The following RP1L1 variants were observed in gnomAD, a reference collection of about 807,000 sequenced individuals.
RP1L1 encodes the protein RP1 like 1.
In RP1L1, 27 loss-of-function variants were observed where a neutral mutation model predicts 15.7. That is an observed-to-expected ratio of 1.72 (90% CI 1.27 to 2.38). The LOEUF (loss-of-function observed/expected upper bound fraction) is 2.38, where lower values mean the gene tolerates loss of function less well. Among genes scored for constraint, RP1L1 ranks in the 30% most tolerant of loss-of-function variants. RP1L1 has a pLI of 0.00. For synonymous variants in RP1L1, 1,813 were observed against 1,276.7 expected (o/e 1.42, Z -8.96); for missense variants, 4,798 against 3,075.9 (o/e 1.56, Z -13.24).
At chr8:10,634,171 C>T (rs1798295819) in intron 1 of RP1L1, among the ~76,000 whole-genome samples, 1 of 152,126 alleles carries the variant, frequency 6.6e-6, no homozygotes, top group Non-Finnish European at 1.5e-5. Context: ...ACAGCACCTG[C>T]CACAGGAAAA....
At chr8:10,634,812 A>C (rs895418838) in intron 1 of RP1L1, among the ~76,000 whole-genome samples, 10 of 152,084 alleles carry the variant, frequency 6.6e-5, no homozygotes, top group Non-Finnish European at 1.2e-4. Flanking sequence ...ACCTGCAGGC[A>C]TTATGGCTCT....
At chr8:10,639,006 G>A (rs762403920) in intron 1 of RP1L1, among the ~76,000 whole-genome samples, 2 of 152,074 alleles carry the variant, frequency 1.3e-5, no homozygotes, top group African/African-American at 2.4e-5. Flanking sequence ...TTAGCTGGGC[G>A]TGGTGGTGCA....
chr8:10,614,357 G>C lies in RP1L1; in HGVS notation c.752-1011C>G, dbSNP rs182813697. ...AGAAAGGGCTGCTAAGGATGCAAAG[G>C]AGTGGCTCTAAGAAAGAATGAGCCA... On this transcript the variant is annotated intron_variant, in intron 3 of 3. Transcript: ENST00000382483. Among the ~76,000 whole-genome samples the C allele has an allele frequency of 9.7e-4, 148 of 152,282 alleles. 2 individuals are homozygous for C. The highest frequency in any genetic ancestry group is 3.3e-3 in the African/African-American group (137 of 41,550).
At chr8:10,621,699 G>C (rs1263946799) in intron 2 of RP1L1, 1 of 498,234 alleles carries the variant, frequency 2.0e-6, no homozygotes, top group South Asian at 1.5e-5. Context: ...ATCTTGAGGA[G>C]ACTGTGAATT....
Position 10,613,789 on chromosome 8 carries a change from AAAAG to A in RP1L1, c.752-447_752-444del, listed in dbSNP as rs762793494. ...TGGATGACAGAGCAAGACCATTAAA[AAAAG>A]AAAAGAAAAAAAAAAGCATGATAAG... is the stretch of plus-strand genomic sequence containing the variant. On this transcript the variant is annotated intron_variant, in intron 3 of 3. Transcript: ENST00000382483. 5.4e-3 allele frequency among the ~76,000 whole-genome samples: 814 copies of A among 151,962 alleles called. 9 individuals are homozygous for A. The highest frequency in any genetic ancestry group is 0.019 in the African/African-American group (768 of 41,428).
rs367838293 is a variant in RP1L1 at position 10,613,305 on chromosome 8, G to A, written c.793C>T (p.Arg265Trp). The A allele has an allele frequency of 1.5e-5, 24 of 1,602,446 alleles. No homozygotes were observed. The highest frequency in any genetic ancestry group is 1.7e-5 in the Non-Finnish European group (20 of 1,179,980). ...CGTGGCGTGCTGCCTGGCGGAGACC[G>A]CGAATGGATCACACTCGGCTTGGTC... ...PKTKPSVIHS[R>W]SPPGSTPRLP... The change falls in exon 4 of 4, where the codon CGG becomes TGG. Residue 265 changes from arginine (R) to tryptophan (W), a missense_variant. Coordinates refer to ENST00000382483, the MANE Select transcript of RP1L1 (RefSeq NM_178857.6).
At position 10,611,080 on chromosome 8, in the gene RP1L1, T is replaced by A. The variant is rs780954903; in HGVS notation, c.3018A>T (p.Pro1006=). The change falls in exon 4 of 4, where the codon CCA becomes CCT. Residue 1006 remains proline, a synonymous_variant. Coordinates refer to ENST00000382483, the MANE Select transcript of RP1L1 (RefSeq NM_178857.6). ...CCAGGGACTGCTGTCCCGCCTGAGC[T>A]GGCTCCCCCAGGCCTTCCAGAGAAT... ...DDHSLEGLGE[P]AQAGQQSLEG... The A allele has an allele frequency of 2.5e-6, 4 of 1,612,846 alleles. No homozygotes were observed. The South Asian group carries it at 4.4e-5, about 18-fold the overall frequency.
chr8:10,652,678 A>T (rs760142463), intron 1 of RP1L1, among the ~76,000 whole-genome samples: 10 of 152,018 alleles, frequency 6.6e-5, no homozygotes, highest in Non-Finnish European at 1.3e-4. Context: ...AAGAAAAAAA[A>T]AAACCTTTCA....
chr8:10,626,848 G>C (rs1363621382), intron 1 of RP1L1, among the ~76,000 whole-genome samples: 2 of 152,176 alleles, frequency 1.3e-5, no homozygotes, highest in African/African-American at 4.8e-5. Flanking sequence ...TTGATTCTGG[G>C]TGCTGAGAGC....
At chr8:10,614,219 T>C (rs532849361) in intron 3 of RP1L1, among the ~76,000 whole-genome samples, 1 of 152,262 alleles carries the variant, frequency 6.6e-6, no homozygotes, top group Admixed American at 6.5e-5. Context: ...AGTGGTGATT[T>C]ATCACCCTAA....
In RP1L1 at chr8:10,621,529, T is replaced by C. The variant is rs1052410412; in HGVS notation, c.609+1064A>G. ...TTAGTAGATATAGGGTTTCGCCCTA[T>C]TGGCCAGGCTGATCTCGAACTCCTG... On this transcript the variant is annotated intron_variant, in intron 2 of 3. Transcript: ENST00000382483. 2.5e-4 allele frequency: 86 copies of C among 349,296 alleles called. 1 individual carries two copies. The highest frequency in any genetic ancestry group is 4.3e-5 in the African/African-American group (2 of 46,416). 21.6% of individuals were successfully genotyped at this position (349,296 alleles called of 1,614,324 possible).
rs779708663 is a variant in RP1L1, at chr8:10,622,977, G to A, written c.225C>T (p.Ser75=). The A allele has an allele frequency of 6.2e-7, 1 of 1,614,160 alleles. No individual in the cohort carries two copies. The highest frequency in any genetic ancestry group is 8.5e-7 in the Non-Finnish European group (1 of 1,180,026). The part of the protein sequence containing the change: ...MDELSQRVPL[S]FGVRSVTTPR... ...GTGTGGTGACAGAGCGCACCCCAAA[G>A]GAGAGAGGCACGCGCTGGGAGAGCT... The change falls in exon 2 of 4, where the codon TCC becomes TCT. Residue 75 remains serine (S), a synonymous_variant. Coordinates refer to ENST00000382483, the MANE Select transcript of RP1L1 (RefSeq NM_178857.6).
intron 1 of RP1L1, among the ~76,000 whole-genome samples, chr8:10,625,338 C>A (rs1049289940): frequency 2.0e-5 from 3 of 152,184 alleles, no homozygotes; most frequent in Non-Finnish European, 4.4e-5. Context: ...GCTCTTCCTC[C>A]AGTACCACTC....
At chr8:10,641,968 G>C (rs561394120) in intron 1 of RP1L1, among the ~76,000 whole-genome samples, 4 of 152,228 alleles carry the variant, frequency 2.6e-5, no homozygotes, top group African/African-American at 9.6e-5. Flanking sequence ...GTGGCTATAA[G>C]AGGCAGCAGG....
At chr8:10,613,942 G>C (rs540508024) in intron 3 of RP1L1, among the ~76,000 whole-genome samples, 3 of 152,316 alleles carry the variant, frequency 2.0e-5, no homozygotes, top group African/African-American at 7.2e-5. Flanking sequence ...CGTAGTTTTT[G>C]GCAGAGCCTG....
At chr8:10,637,788 C>T (rs866227711) in intron 1 of RP1L1, among the ~76,000 whole-genome samples, 2 of 151,816 alleles carry the variant, frequency 1.3e-5, no homozygotes, top group Non-Finnish European at 2.9e-5. Flanking sequence ...GGGAAAGAGA[C>T]GGGGGAAGTA....
intron 1 of RP1L1, among the ~76,000 whole-genome samples, chr8:10,624,554 A>G (rs1798126817): frequency 6.6e-6 from 1 of 152,228 alleles, no homozygotes; most frequent in East Asian, 1.9e-4. Context: ...AATTAGGACC[A>G]CAGCAAATAG....
Position 10,624,059 on chromosome 8 carries a change from G to T in RP1L1, c.-19-839C>A, listed in dbSNP as rs546729745. Among the ~76,000 whole-genome samples the T allele has an allele frequency of 4.4e-4, 67 of 152,352 alleles. 2 individuals carry two copies. In the South Asian group the frequency reaches 0.014, roughly 32 times the overall value. On this transcript the variant is annotated intron_variant, in intron 1 of 3. Transcript: ENST00000382483. ...TGTCTTCAGCACTGTCTTGTCCCCA[G>T]TATGACCTTATCTTGCAGCCATGGG...
intron 1 of RP1L1, among the ~76,000 whole-genome samples, chr8:10,653,499 C>T (rs1798592993): frequency 6.7e-6 from 1 of 148,634 alleles, no homozygotes; most frequent in South Asian, 2.2e-4. Context: ...CACACGTGCA[C>T]TCGTAAACTA....
Sources: gnomAD v4.1 joint callset for allele counts (sites outside exome capture counted in the v4.1 genomes callset) on GRCh38, gnomAD v4.1.1 for gene constraint, MANE v1.5 for transcripts, NCBI Gene and HGNC (gene_info 2026-07-23, HGNC 2026-07-21) for gene names.